Variants in NEGR1 observed in about 807,000 individuals in gnomAD.
NEGR1 encodes the protein IgLON family member 4.
Under a neutral mutation model 40.9 loss-of-function variants are expected in NEGR1, and 10 were observed. The observed-to-expected ratio is 0.24, with a 90% confidence interval of 0.15 to 0.42. The LOEUF is 0.42. Among genes scored for constraint, NEGR1 ranks in the 10% least tolerant of loss-of-function variants. The pLI is 1.00. For synonymous variants in NEGR1, 185 were observed against 166.8 expected, an observed-to-expected ratio of 1.11 and a Z score of -0.84; for missense variants, 352 against 438.9, an observed-to-expected ratio of 0.80 and a Z score of 1.77.
intron 1 of NEGR1, among the ~76,000 whole-genome samples, chr1:72,055,924 C>T (rs1178190944): frequency 6.7e-6 from 1 of 150,314 alleles, no homozygotes; most frequent in African/African-American, 2.4e-5. Flanking sequence ...AAATAATTAC[C>T]TGTGTTACCT....
At chr1:71,771,699 C>CAA (rs60830449) in intron 3 of NEGR1, among the ~76,000 whole-genome samples, 964 of 12,040 alleles carry the variant, frequency 0.08, 145 homozygotes, top group East Asian at 0.14. Context: ...GACTTAGTCT[C>CAA]AAAAAAAAAA....
chr1:72,030,882 A>C (rs1258643288), intron 1 of NEGR1, among the ~76,000 whole-genome samples: 2 of 152,172 alleles, frequency 1.3e-5, no homozygotes, highest in Non-Finnish European at 2.9e-5. Context: ...TTGAACTTAC[A>C]CATGGAAAAA....
chr1:72,141,373 A>G (rs1276297766), intron 1 of NEGR1, among the ~76,000 whole-genome samples: 1 of 152,062 alleles, frequency 6.6e-6, no homozygotes, highest in Non-Finnish European at 1.5e-5. Flanking sequence ...ACATGGTATG[A>G]ATTTATACCA....
intron 1 of NEGR1, among the ~76,000 whole-genome samples, chr1:71,964,507 C>T (rs1646194506): frequency 6.6e-6 from 1 of 152,126 alleles, no homozygotes; most frequent in African/African-American, 2.4e-5. Context: ...GTGCCACACA[C>T]ATGAATGAAG....
At chr1:72,140,946 A>T (rs781532415) in intron 1 of NEGR1, among the ~76,000 whole-genome samples, 14 of 152,104 alleles carry the variant, frequency 9.2e-5, no homozygotes, top group Non-Finnish European at 1.5e-4. Context: ...TTTATATAGC[A>T]TTACCTAATA....
At chr1:71,915,869 C>T (rs192825260) in intron 2 of NEGR1, among the ~76,000 whole-genome samples, 12 of 152,168 alleles carry the variant, frequency 7.9e-5, no homozygotes, top group Admixed American at 4.6e-4. Context: ...TACCTTTGAG[C>T]GAGAAACACA....
intron 1 of NEGR1, among the ~76,000 whole-genome samples, chr1:72,063,726 G>A (rs920218907): frequency 1.3e-5 from 2 of 151,862 alleles, no homozygotes; most frequent in African/African-American, 4.8e-5. Context: ...TATCTCACAT[G>A]CCATCCTAAA....
At chr1:71,975,060 A>G (rs1203144931) in intron 1 of NEGR1, among the ~76,000 whole-genome samples, 2 of 152,178 alleles carry the variant, frequency 1.3e-5, no homozygotes, top group African/African-American at 2.4e-5. Context: ...TCTTCAGTCA[A>G]TGTTTGTTAT....
intron 1 of NEGR1, among the ~76,000 whole-genome samples, chr1:71,998,876 T>C (rs1646529693): frequency 6.6e-6 from 1 of 151,886 alleles, no homozygotes; most frequent in Middle Eastern, 3.2e-3. Context: ...TATAGTTACA[T>C]ATACTATAGA....
In NEGR1 at chr1:71,785,442, GTT is replaced by G. The variant is rs11291984; in HGVS notation, c.410-9147_410-9146del. ...CATTTTATTAAGAATTAATAATGAGGTTTTTTTTTTTCCTGGAAACAATTTGG... is the reference window on the plus strand; with the variant it reads ...CATTTTATTAAGAATTAATAATGAGGTTTTTTTTTCCTGGAAACAATTTGG... On this transcript the variant is annotated intron_variant, in intron 2 of 6. Coordinates refer to ENST00000357731, the MANE Select transcript of NEGR1 (RefSeq NM_173808.3). Among the ~76,000 whole-genome samples, 1,170 of 147,620 alleles carry G rather than the reference GTT, an allele frequency of 7.9e-3. 12 individuals are homozygous for G. The highest frequency in any genetic ancestry group is 0.028 in the African/African-American group (1,130 of 40,512).
At chr1:71,817,351 T>C in intron 2 of NEGR1, among the ~76,000 whole-genome samples, 1 of 152,090 alleles carries the variant, frequency 6.6e-6, no homozygotes, top group East Asian at 1.9e-4. Flanking sequence ...GGGCTAATTC[T>C]GGTGGCCATT....
chr1:71,609,078 T>G (rs1650158249), intron 5 of NEGR1, among the ~76,000 whole-genome samples: 1 of 152,076 alleles, frequency 6.6e-6, no homozygotes, highest in Admixed American at 6.6e-5. Flanking sequence ...ATATGGAGTC[T>G]TCTACTAAGC....
At chr1:71,514,395 T>G (rs1307619482) in intron 6 of NEGR1, among the ~76,000 whole-genome samples, 1 of 93,710 alleles carries the variant, frequency 1.1e-5, no homozygotes. Context: ...GCAGACTGCC[T>G]CCTCAAGTGG....
intron 1 of NEGR1, among the ~76,000 whole-genome samples, chr1:72,248,505 A>C (rs1431033959): frequency 6.7e-5 from 10 of 149,200 alleles, no homozygotes; most frequent in African/African-American, 2.5e-4. Context: ...TGATCCACCC[A>C]TCTCAGCCTC....
intron 1 of NEGR1, among the ~76,000 whole-genome samples, chr1:72,002,725 CAATT>C (rs1423031173): frequency 2.0e-5 from 3 of 152,234 alleles, no homozygotes; most frequent in African/African-American, 4.8e-5. Context: ...AATGTCACAT[CAATT>C]GTTTACTCTT....
intron 1 of NEGR1, among the ~76,000 whole-genome samples, chr1:71,962,168 C>G (rs372663179): frequency 2.0e-5 from 3 of 151,884 alleles, no homozygotes; most frequent in African/African-American, 7.3e-5. Context: ...ATTATTACAC[C>G]CTCTTTCCTG....
intron 6 of NEGR1, among the ~76,000 whole-genome samples, chr1:71,460,434 C>G (rs781250054): frequency 6.6e-6 from 1 of 152,118 alleles, no homozygotes; most frequent in Non-Finnish European, 1.5e-5. Context: ...CATTTTGTAC[C>G]CTAGGCAGCT....
intron 6 of NEGR1, among the ~76,000 whole-genome samples, chr1:71,537,424 C>T (rs562730550): frequency 5.1e-4 from 78 of 151,622 alleles, no homozygotes; most frequent in Non-Finnish European, 9.2e-4. Context: ...GTAGCTTTTT[C>T]AATAATAGGG....
At chr1:71,667,092 C>T (rs1020238975) in intron 4 of NEGR1, among the ~76,000 whole-genome samples, 10 of 152,108 alleles carry the variant, frequency 6.6e-5, no homozygotes, top group African/African-American at 2.4e-4. Context: ...CAGGGCTGTA[C>T]AGAGAAGGCA....
Sources: allele counts gnomAD v4.1 joint callset (sites outside exome capture counted in the v4.1 genomes callset), GRCh38; gene constraint gnomAD v4.1.1; transcripts MANE v1.5; gene names NCBI Gene and HGNC (gene_info 2026-07-23, HGNC 2026-07-21).